The following FAM184A variants were observed in gnomAD, a reference collection of about 807,000 sequenced individuals.
The protein encoded by FAM184A is protein FAM184A.
A neutral mutation model predicts 143.8 loss-of-function variants in FAM184A; 99 were observed. The observed-to-expected ratio is 0.69, with a 90% CI of 0.58 to 0.81. The LOEUF is 0.81. Ranked by LOEUF, FAM184A falls within the 40% of genes least tolerant of loss-of-function variation. The pLI is 0.00. For synonymous variants in FAM184A, 427 were observed against 446.4 expected, an observed-to-expected ratio of 0.96 and a Z score of 0.55; for missense variants, 1,217 against 1,310.5, an observed-to-expected ratio of 0.93 and a Z score of 1.10.
intron 9 of FAM184A, among the ~76,000 whole-genome samples, chr6:118,980,699 T>C (rs1783993973): frequency 6.6e-6 from 1 of 152,216 alleles, no homozygotes; most frequent in Non-Finnish European, 1.5e-5. Flanking sequence ...CATTAGGTTA[T>C]AGTCACTTTG....
At chr6:118,991,187 G>A (rs1429927746) in intron 9 of FAM184A, among the ~76,000 whole-genome samples, 1 of 149,630 alleles carries the variant, frequency 6.7e-6, no homozygotes, top group Non-Finnish European at 1.5e-5. Flanking sequence ...TGAGATGAAT[G>A]AAGTCTTGCT....
At chr6:118,990,508 A>G (rs1784343296) in intron 9 of FAM184A, among the ~76,000 whole-genome samples, 1 of 152,206 alleles carries the variant, frequency 6.6e-6, no homozygotes, top group Non-Finnish European at 1.5e-5. Context: ...GTAAAGGCAT[A>G]GTAGTGCTGC....
At chr6:118,968,981 TAGTCCCCAC>T (rs1783584842) in intron 14 of FAM184A, among the ~76,000 whole-genome samples, 2 of 152,198 alleles carry the variant, frequency 1.3e-5, no homozygotes, top group African/African-American at 4.8e-5. Flanking sequence ...TCTTGAATTG[TAGTCCCCAC>T]AATCCCCATG....
intron 1 of FAM184A, among the ~76,000 whole-genome samples, chr6:119,058,757 G>C (rs1365663895): frequency 6.6e-6 from 1 of 151,976 alleles, no homozygotes; most frequent in East Asian, 1.9e-4. Context: ...AGTTATCCTG[G>C]TCTAGGTATC....
At chr6:119,046,116 A>C (rs1040636350) in intron 1 of FAM184A, among the ~76,000 whole-genome samples, 1 of 152,214 alleles carries the variant, frequency 6.6e-6, no homozygotes, top group Non-Finnish European at 1.5e-5. Context: ...ACAGAACCTA[A>C]TAAGAGGTTG....
In FAM184A at chr6:118,975,988, G is replaced by A. The variant is rs1783832581; in HGVS notation, c.2512C>T (p.His838Tyr). ...QHAAAIDLLR[H>Y]NHHQELAAAK... Reference sequence around the variant, plus strand: ...GCTGCCAATTCTTGATGATGATTATGCCGTAACAAATCAATTGCAGCTGCA... The same window carrying A: ...GCTGCCAATTCTTGATGATGATTATACCGTAACAAATCAATTGCAGCTGCA... The change falls in exon 12 of 18, where the codon CAT becomes TAT. Residue 838 changes from histidine to tyrosine, a missense_variant. Physicochemically the swap from His to Tyr is moderately conservative, Grantham distance 83 (BLOSUM62 2). Transcript: ENST00000338891. 1.2e-6 allele frequency: 2 copies of A among 1,613,230 alleles called. No homozygotes were observed. Among genetic ancestry groups the A allele is most frequent in the African/African-American group, 2.7e-5 (2 of 74,844 alleles).
intron 1 of FAM184A, among the ~76,000 whole-genome samples, chr6:119,109,548 G>A (rs934261501): frequency 1.3e-5 from 2 of 152,164 alleles, no homozygotes; most frequent in Admixed American, 6.5e-5. Context: ...CTTTAGCTAT[G>A]TATACAGAGC....
At chr6:119,119,511 A>T (rs1169218908) in intron 1 of FAM184A, among the ~76,000 whole-genome samples, 3 of 152,196 alleles carry the variant, frequency 2.0e-5, no homozygotes, top group Non-Finnish European at 4.4e-5. Flanking sequence ...ACCCATGTGA[A>T]ATCGGGGGCA....
chr6:119,071,860 CTTTTTTTT>C (rs35786966), intron 1 of FAM184A, among the ~76,000 whole-genome samples: 92 of 94,164 alleles, frequency 9.8e-4, no homozygotes, highest in African/African-American at 3.6e-3. Flanking sequence ...AACCTTTAAT[CTTTTTTTT>C]TTTTTTTTTT....
rs541365676 is a variant in FAM184A, at chr6:119,141,250, G to GT, written c.-202+7827dup. Among the ~76,000 whole-genome samples the GT allele has an allele frequency of 1.9e-3, 293 of 152,350 alleles. 1 individual carries two copies. Among genetic ancestry groups the GT allele is most frequent in the African/African-American group, 6.7e-3 (279 of 41,588 alleles). ...ACCTGCCTAGTCGAATTGCCCTGGT[G>GT]TTGATCTTACAGCAAAGATGCCTCT... On this transcript the variant is annotated intron_variant, in intron 1 of 16. Transcript: ENST00000352896.
chr6:119,041,016 C>T (rs1409963269), intron 1 of FAM184A, among the ~76,000 whole-genome samples: 2 of 152,172 alleles, frequency 1.3e-5, no homozygotes, highest in Non-Finnish European at 2.9e-5. Context: ...CCTCCTTTAG[C>T]TCCCATTTCT....
At chr6:119,029,145 G>T (rs908200388) in intron 1 of FAM184A, among the ~76,000 whole-genome samples, 1 of 152,172 alleles carries the variant, frequency 6.6e-6, no homozygotes, top group African/African-American at 2.4e-5. Context: ...TTCCAAGGCT[G>T]GTCAGTCCTA....
intron 4 of FAM184A, among the ~76,000 whole-genome samples, chr6:119,017,603 G>A (rs2114675052): frequency 6.6e-6 from 1 of 152,018 alleles, no homozygotes; most frequent in East Asian, 1.9e-4. Flanking sequence ...AATTTTGAAT[G>A]CCAATTACGT....
chr6:118,998,205 C>A (rs900441279), intron 9 of FAM184A, among the ~76,000 whole-genome samples: 1 of 152,200 alleles, frequency 6.6e-6, no homozygotes, highest in African/African-American at 2.4e-5. Context: ...TTAATATTTT[C>A]TTCTCTTCTA....
At chr6:119,123,917 T>C (rs1001380380) in intron 1 of FAM184A, among the ~76,000 whole-genome samples, 3 of 152,200 alleles carry the variant, frequency 2.0e-5, no homozygotes, top group African/African-American at 7.2e-5. Context: ...TGCCATTACA[T>C]TACAGTTGTA....
chr6:119,125,020 C>T (rs959238348), intron 1 of FAM184A, among the ~76,000 whole-genome samples: 1 of 152,168 alleles, frequency 6.6e-6, no homozygotes, highest in African/African-American at 2.4e-5. Context: ...CTAATTTTTA[C>T]TAACGCTTTG....
intron 1 of FAM184A, among the ~76,000 whole-genome samples, chr6:119,095,545 TA>T (rs1208754145): frequency 2.0e-5 from 3 of 152,082 alleles, no homozygotes; most frequent in African/African-American, 7.2e-5. Flanking sequence ...AGAAATAATA[TA>T]GGCTTTTATT....
At position 119,078,074 on chromosome 6, in the gene FAM184A, G is replaced by A; in HGVS notation, c.159+67C>T. The A allele has an allele frequency of 6.6e-7, 1 of 1,512,278 alleles. No homozygotes were observed. Among genetic ancestry groups the A allele is most frequent in the East Asian group, 2.5e-5 (1 of 40,112 alleles). 93.7% of individuals were successfully genotyped at this position (1,512,278 alleles called of 1,614,324 possible). ...GCGGGCGCAGGGCGCACTGCCTCCC[G>A]GGGAGACAGGTGAGTCCGGCGCGGC... On this transcript the variant is annotated intron_variant, in intron 1 of 17. Transcript: ENST00000338891. This position sits in a 1 kb window ranked among gnomAD's most constrained non-coding sequence, Gnocchi z 5.5.
intron 1 of FAM184A, among the ~76,000 whole-genome samples, chr6:119,044,385 C>T (rs1786452043): frequency 1.3e-5 from 2 of 152,104 alleles, no homozygotes; most frequent in African/African-American, 4.8e-5. Flanking sequence ...GAATTCAAGA[C>T]TAGCCTAGGC....
Sources: allele counts gnomAD v4.1 joint callset (sites outside exome capture counted in the v4.1 genomes callset), GRCh38; gene constraint gnomAD v4.1.1; non-coding constraint Gnocchi (gnomAD v3.1); transcripts MANE v1.5; gene names NCBI Gene and HGNC (gene_info 2026-07-23, HGNC 2026-07-21).